The following MTUS2 variants were observed in gnomAD, a reference collection of about 807,000 sequenced individuals.
The protein encoded by MTUS2 is microtubule-associated tumor suppressor candidate 2.
MTUS2 carries 40 observed loss-of-function variants against 114.1 expected under a neutral mutation model. That is an observed-to-expected ratio of 0.35 (90% CI 0.27 to 0.46). The LOEUF is 0.46. MTUS2 is among the 20% of genes least tolerant of loss of function. The pLI is 1.00. For synonymous variants in MTUS2, 688 were observed against 672.0 expected (o/e 1.02, Z -0.37); for missense variants, 1,679 against 1,705.4 (o/e 0.98, Z 0.27).
At chr13:29,020,507 G>A (rs1349815385) in intron 2 of MTUS2, among the ~76,000 whole-genome samples, 2 of 152,188 alleles carry the variant, frequency 1.3e-5, no homozygotes, top group African/African-American at 4.8e-5. Context: ...GCTGGAGTGA[G>A]GGAGACGCGT....
intron 2 of MTUS2, among the ~76,000 whole-genome samples, chr13:28,945,153 G>A (rs961146027): frequency 6.8e-6 from 1 of 147,078 alleles, no homozygotes; most frequent in African/African-American, 2.6e-5. Context: ...ATGATTCGTT[G>A]TTTTTTATGG....
chr13:29,022,597 C>T (rs1886338802), intron 2 of MTUS2, among the ~76,000 whole-genome samples: 1 of 152,198 alleles, frequency 6.6e-6, no homozygotes, highest in Admixed American at 6.5e-5. Flanking sequence ...ATAACAGTAG[C>T]CTCACATGTG....
intron 2 of MTUS2, among the ~76,000 whole-genome samples, chr13:28,876,069 C>G (rs1181652307): frequency 6.6e-6 from 1 of 152,208 alleles, no homozygotes; most frequent in East Asian, 1.9e-4. Context: ...GTGGTAGCTC[C>G]TCTAATTTTC....
intron 1 of MTUS2, among the ~76,000 whole-genome samples, chr13:28,836,009 G>A (rs1360140651): frequency 6.6e-6 from 1 of 150,958 alleles, no homozygotes; most frequent in Non-Finnish European, 1.5e-5. Flanking sequence ...GTGTTAATGG[G>A]TTTATTAATA....
intron 5 of MTUS2, among the ~76,000 whole-genome samples, chr13:29,106,484 G>A (rs1056326683): frequency 5.3e-5 from 8 of 152,024 alleles, no homozygotes; most frequent in Admixed American, 2.6e-4. Flanking sequence ...TCAGCCTCCT[G>A]AGTAGTTGGA....
At chr13:28,851,176 G>A (rs764803094) in intron 2 of MTUS2, among the ~76,000 whole-genome samples, 1 of 152,174 alleles carries the variant, frequency 6.6e-6, no homozygotes, top group African/African-American at 2.4e-5. Context: ...ACTTATGTTG[G>A]TATAGGAAGT....
chr13:28,918,625 A>G (rs575854978), intron 2 of MTUS2, among the ~76,000 whole-genome samples: 1 of 152,054 alleles, frequency 6.6e-6, no homozygotes, highest in Admixed American at 6.5e-5. Context: ...TCTTGCATCC[A>G]TTCAGCCACT....
intron 5 of MTUS2, among the ~76,000 whole-genome samples, chr13:29,132,078 T>C (rs1028790798): frequency 6.6e-6 from 1 of 152,214 alleles, no homozygotes; most frequent in Admixed American, 6.5e-5. Flanking sequence ...AGCCCAAATA[T>C]TGACATGACC....
At chr13:28,940,999 T>G (rs1041294857) in intron 2 of MTUS2, among the ~76,000 whole-genome samples, 5 of 151,840 alleles carry the variant, frequency 3.3e-5, no homozygotes, top group African/African-American at 1.2e-4. Context: ...GAGGCAAGGA[T>G]CATTACTGGA....
chr13:29,173,585 A>G (rs1893649821), intron 5 of MTUS2, among the ~76,000 whole-genome samples: 2 of 152,134 alleles, frequency 1.3e-5, no homozygotes, highest in African/African-American at 4.8e-5. Context: ...GTACTGTGTT[A>G]AACATCTTTC....
intron 2 of MTUS2, among the ~76,000 whole-genome samples, chr13:28,902,380 C>T (rs969555600): frequency 6.6e-6 from 1 of 152,072 alleles, no homozygotes; most frequent in Non-Finnish European, 1.5e-5. Flanking sequence ...GAGAGTGGAT[C>T]ACCTTAACTT....
chr13:29,315,265 C>T (rs1181017201), intron 6 of MTUS2, among the ~76,000 whole-genome samples: 1 of 152,076 alleles, frequency 6.6e-6, no homozygotes, highest in Non-Finnish European at 1.5e-5. Context: ...TGTAGGGTGA[C>T]TCTAGTTAAT....
Position 28,909,549 on chromosome 13 carries a change from T to C in MTUS2, c.-243+69699T>C, listed in dbSNP as rs944851014. Among the ~76,000 whole-genome samples the C allele has an allele frequency of 3.7e-4, 57 of 152,338 alleles. 1 individual carries two copies. The highest frequency in any genetic ancestry group is 1.3e-3 in the African/African-American group (55 of 41,580). On this transcript the variant is annotated intron_variant, in intron 2 of 15. Transcript: ENST00000612955. Reference sequence around the variant, plus strand: ...GTATCTGAAAATAATAAGAGTCATCTGTGAGAAACCCACCGCCAATATCAT... The same window carrying C: ...GTATCTGAAAATAATAAGAGTCATCCGTGAGAAACCCACCGCCAATATCAT...
rs543727735 is a variant in MTUS2 at position 29,221,473 on chromosome 13, G to C, written c.2645-60231G>C. 3.9e-5 allele frequency among the ~76,000 whole-genome samples: 6 copies of C among 152,240 alleles called. No individual in the cohort carries two copies. The South Asian group carries it at 1.2e-3, about 32-fold the overall frequency. ...ATTTTCAGTTTCTGATTATTAGCCT[G>C]AGTACATTTTTTATATATATTTTTG... On this transcript the variant is annotated intron_variant, in intron 5 of 15. Coordinates refer to ENST00000612955, the MANE Select transcript of MTUS2 (RefSeq NM_001033602.4).
intron 13 of MTUS2, 85 bp downstream of exon 13, chr13:29,497,421 G>A: frequency 1.7e-6 from 2 of 1,185,922 alleles, no homozygotes; most frequent in Non-Finnish European, 1.2e-6. Flanking sequence ...CTCGTCCCAA[G>A]ACAAGGCCTC....
chr13:29,401,862 C>T (rs1226797571), intron 8 of MTUS2, among the ~76,000 whole-genome samples: 1 of 152,158 alleles, frequency 6.6e-6, no homozygotes, highest in Non-Finnish European at 1.5e-5. Flanking sequence ...GTGAAAACAA[C>T]CTGTCAAATT....
At chr13:29,033,856 CTGAT>C (rs761801615) in intron 3 of MTUS2, 25 bp from the exon 4 acceptor site, 1 of 1,612,692 alleles carries the variant, frequency 6.2e-7, no homozygotes, top group East Asian at 2.2e-5. Context: ...GTGAAGGTCT[CTGAT>C]TGAGTTTTTG....
At chr13:29,176,034 G>T (rs1893758981) in intron 5 of MTUS2, among the ~76,000 whole-genome samples, 1 of 151,750 alleles carries the variant, frequency 6.6e-6, no homozygotes, top group Admixed American at 6.6e-5. Flanking sequence ...TCTTTCTATA[G>T]ATAAATTCAA....
chr13:29,481,527 T>C (rs763941485), intron 10 of MTUS2, among the ~76,000 whole-genome samples: 2 of 152,192 alleles, frequency 1.3e-5, no homozygotes, highest in East Asian at 3.9e-4. Context: ...AGAGCACCCT[T>C]TAAATCTCAC....
Sources: allele counts gnomAD v4.1 joint callset (sites outside exome capture counted in the v4.1 genomes callset), GRCh38; gene constraint gnomAD v4.1.1; transcripts MANE v1.5; gene names NCBI Gene and HGNC (gene_info 2026-07-23, HGNC 2026-07-21).